The following IMMP2L variants were observed in gnomAD, a reference collection of about 807,000 sequenced individuals.
IMMP2L encodes the protein inner mitochondrial membrane peptidase subunit 2.
In IMMP2L, 18 loss-of-function variants were observed where a neutral mutation model predicts 19.3. The observed-to-expected ratio is 0.93, with a 90% confidence interval of 0.64 to 1.38. IMMP2L has a LOEUF of 1.38. IMMP2L is among the 40% of genes most tolerant of loss of function. IMMP2L has a pLI of 0.00. For synonymous variants in IMMP2L, 76 were observed against 73.0 expected, an observed-to-expected ratio of 1.04 and a Z score of -0.21; for missense variants, 233 against 218.2, an observed-to-expected ratio of 1.07 and a Z score of -0.43.
chr7:110,716,722 C>T (rs1584594271), intron 5 of IMMP2L, among the ~76,000 whole-genome samples: 2 of 152,058 alleles, frequency 1.3e-5, no homozygotes, highest in Non-Finnish European at 2.9e-5. Flanking sequence ...ACTGCTTAAT[C>T]CCAGTATTTC....
intron 3 of IMMP2L, among the ~76,000 whole-genome samples, chr7:111,419,125 CCTTA>C (rs1835231930): frequency 6.6e-6 from 1 of 151,656 alleles, no homozygotes; most frequent in Non-Finnish European, 1.5e-5. Context: ...TATATAATTG[CCTTA>C]CTTGCTGCTG....
intron 2 of IMMP2L, among the ~76,000 whole-genome samples, chr7:111,489,189 G>T (rs959279303): frequency 6.6e-6 from 1 of 151,590 alleles, no homozygotes; most frequent in African/African-American, 2.4e-5. Flanking sequence ...GACTAGAGGC[G>T]CCTGCCATCA....
intron 3 of IMMP2L, among the ~76,000 whole-genome samples, chr7:111,071,332 G>A (rs1001186589): frequency 6.6e-6 from 1 of 152,106 alleles, no homozygotes; most frequent in African/African-American, 2.4e-5. Context: ...GTTTGATGAT[G>A]CTTCAAAAAG....
intron 3 of IMMP2L, among the ~76,000 whole-genome samples, chr7:111,242,552 A>C (rs996398592): frequency 6.6e-6 from 1 of 152,070 alleles, no homozygotes; most frequent in Non-Finnish European, 1.5e-5. Context: ...CAATTCATTC[A>C]CCTGAACCAC....
Position 110,924,816 on chromosome 7 carries a change from T to A in IMMP2L, c.306-38121A>T, listed in dbSNP as rs962792389. On this transcript the variant is annotated intron_variant, in intron 4 of 5. Coordinates refer to ENST00000405709, the MANE Select transcript of IMMP2L (RefSeq NM_032549.4). This position sits in a 1 kb window ranked among gnomAD's most constrained non-coding sequence, Gnocchi z 4.2. ...AGTAGAATTGGTATACACAGCTGAT[T>A]AAACAATTTGAAAAAATGTTCTGGT... 6.6e-6 allele frequency among the ~76,000 whole-genome samples: 1 copy of A among 152,144 alleles called. No homozygotes were observed. Among genetic ancestry groups the A allele is most frequent in the African/African-American group, 2.4e-5 (1 of 41,446 alleles).
rs547735027 is a variant in IMMP2L at position 111,108,867 on chromosome 7, A to G, written c.240-145302T>C. 6.6e-5 allele frequency among the ~76,000 whole-genome samples: 10 copies of G among 152,308 alleles called. No homozygotes were observed. The East Asian group carries it at 1.9e-3, about 29-fold the overall frequency. On this transcript the variant is annotated intron_variant, in intron 3 of 5. Transcript: ENST00000405709. ...AGATGGAAATTTATAATTAAAAGCA[A>G]CTGATATTCATTCATTCATTCAGTA...
intron 5 of IMMP2L, among the ~76,000 whole-genome samples, chr7:110,684,519 C>T (rs1222141867): frequency 6.6e-6 from 1 of 151,946 alleles, no homozygotes; most frequent in African/African-American, 2.4e-5. Context: ...ATATATCACA[C>T]AATTCCATTG....
chr7:110,759,656 C>A (rs1448274634), intron 5 of IMMP2L, among the ~76,000 whole-genome samples: 4 of 152,054 alleles, frequency 2.6e-5, no homozygotes, highest in Non-Finnish European at 2.9e-5. Flanking sequence ...GCTTTATTTC[C>A]TTTCTTGGTA....
chr7:111,208,729 G>C (rs1810986534), intron 3 of IMMP2L, among the ~76,000 whole-genome samples: 1 of 152,152 alleles, frequency 6.6e-6, no homozygotes, highest in African/African-American at 2.4e-5. Flanking sequence ...AGCAGAAAAT[G>C]CAAGGATTGG....
intron 3 of IMMP2L, among the ~76,000 whole-genome samples, chr7:111,268,166 T>C (rs1167906129): frequency 1.3e-5 from 2 of 152,134 alleles, no homozygotes; most frequent in Non-Finnish European, 2.9e-5. Context: ...GAGATTTATC[T>C]CTCTATGTGT....
At chr7:111,488,066 T>A (rs1842798620) in intron 2 of IMMP2L, among the ~76,000 whole-genome samples, 1 of 152,184 alleles carries the variant, frequency 6.6e-6, no homozygotes, top group South Asian at 2.1e-4. Context: ...GAAACCAGCA[T>A]ACCTGTCATT....
chr7:111,471,493 CT>C (rs2132110133), intron 3 of IMMP2L, among the ~76,000 whole-genome samples: 1 of 152,162 alleles, frequency 6.6e-6, no homozygotes, highest in South Asian at 2.1e-4. Context: ...TGAAATGCAA[CT>C]AGTCCAAACT....
At chr7:111,456,427 T>C (rs1340295421) in intron 3 of IMMP2L, among the ~76,000 whole-genome samples, 1 of 151,864 alleles carries the variant, frequency 6.6e-6, no homozygotes, top group African/African-American at 2.4e-5. Flanking sequence ...AAACTGCTGT[T>C]ATTATAATGA....
intron 4 of IMMP2L, chr7:110,962,510 T>G (rs1819060253): frequency 6.5e-6 from 1 of 154,070 alleles, no homozygotes; most frequent in Non-Finnish European, 1.4e-5. Flanking sequence ...GATTCTCATA[T>G]CTGCTCCTGC....
At chr7:111,407,696 G>T (rs141327853) in intron 3 of IMMP2L, among the ~76,000 whole-genome samples, 32 of 152,018 alleles carry the variant, frequency 2.1e-4, no homozygotes, top group African/African-American at 7.5e-4. Flanking sequence ...GTATTTTCAG[G>T]ATGATTAAAA....
chr7:111,476,140 T>G (rs1413638458), intron 3 of IMMP2L, among the ~76,000 whole-genome samples: 3 of 152,124 alleles, frequency 2.0e-5, no homozygotes, highest in Non-Finnish European at 2.9e-5. Flanking sequence ...ATGATGCAAT[T>G]GATCCAAGGA....
intron 3 of IMMP2L, among the ~76,000 whole-genome samples, chr7:111,041,584 C>T (rs992244827): frequency 1.5e-4 from 23 of 151,424 alleles, no homozygotes; most frequent in Middle Eastern, 3.4e-3. Flanking sequence ...TGTTCACTCT[C>T]AGTCTACATT....
intron 3 of IMMP2L, among the ~76,000 whole-genome samples, chr7:111,046,261 G>T (rs1792386269): frequency 1.3e-5 from 2 of 151,862 alleles, no homozygotes; most frequent in Admixed American, 1.3e-4. Flanking sequence ...AAAGAAAGAA[G>T]TAGAAATTTT....
At chr7:110,751,387 G>T in intron 5 of IMMP2L, among the ~76,000 whole-genome samples, 2 of 151,724 alleles carry the variant, frequency 1.3e-5, no homozygotes, top group East Asian at 1.9e-4. Context: ...CCATTGTCTA[G>T]ATGTTTCAAC....
Sources: allele counts gnomAD v4.1 joint callset (sites outside exome capture counted in the v4.1 genomes callset), GRCh38; gene constraint gnomAD v4.1.1; non-coding constraint Gnocchi (gnomAD v3.1); transcripts MANE v1.5; gene names NCBI Gene and HGNC (gene_info 2026-07-23, HGNC 2026-07-21).